Variants in RORB observed in about 807,000 individuals in gnomAD.
RORB encodes RAR related orphan receptor B.
Under a neutral mutation model 59.1 loss-of-function variants are expected in RORB, and 6 were observed. That is an observed-to-expected ratio of 0.10 (90% CI 0.06 to 0.20). The LOEUF is 0.20. Ranked by LOEUF, RORB falls within the 10% of genes least tolerant of loss-of-function variation. The pLI, the probability that RORB is intolerant of heterozygous loss-of-function variation, is 1.00. For missense variants in RORB, 320 were observed against 560.5 expected, an observed-to-expected ratio of 0.57 and a Z score of 4.33; for synonymous variants, 215 against 204.5, an observed-to-expected ratio of 1.05 and a Z score of -0.44.
At position 74,571,884 on chromosome 9, in the gene RORB, C is replaced by T. The variant is rs116930516; in HGVS notation, c.8-58398C>T. ...GAGCCATCTTCCTCACACAAAGAAGCGGTGATAATTCCTTCCGTGGACATT... is the reference window on the plus strand; with the variant it reads ...GAGCCATCTTCCTCACACAAAGAAGTGGTGATAATTCCTTCCGTGGACATT... On this transcript the variant is annotated intron_variant, in intron 1 of 9. Coordinates refer to ENST00000376896, the MANE Select transcript of RORB (RefSeq NM_006914.4). 7.7e-4 allele frequency among the ~76,000 whole-genome samples: 117 copies of T among 152,194 alleles called. 1 individual carries two copies. The highest frequency in any genetic ancestry group is 1.4e-3 in the Non-Finnish European group (97 of 68,014).
At chr9:74,647,269 ACATCTT>A (rs1823915746) in intron 4 of RORB, among the ~76,000 whole-genome samples, 1 of 152,174 alleles carries the variant, frequency 6.6e-6, no homozygotes, top group Non-Finnish European at 1.5e-5. Flanking sequence ...GGAAAGTAGA[ACATCTT>A]GTCTTTGCTC....
chr9:74,525,772 C>T (rs1227599983), intron 1 of RORB, among the ~76,000 whole-genome samples: 2 of 151,890 alleles, frequency 1.3e-5, no homozygotes, highest in East Asian at 1.9e-4. Flanking sequence ...AACAGAACCT[C>T]GATGAAATTC....
chr9:74,642,370 A>T, intron 3 of RORB, 44 bp from the exon 4 acceptor site: 4 of 1,554,640 alleles, frequency 2.6e-6, no homozygotes, highest in Non-Finnish European at 3.5e-6. Context: ...GTTAACGCGA[A>T]TGATAACCAC....
chr9:74,587,791 G>A (rs546549147), intron 1 of RORB, among the ~76,000 whole-genome samples: 1 of 152,284 alleles, frequency 6.6e-6, no homozygotes, highest in East Asian at 1.9e-4. Context: ...GTCAATCTCT[G>A]CTACTCTCAG....
At chr9:74,575,222 C>T (rs952750872) in intron 1 of RORB, among the ~76,000 whole-genome samples, 1 of 152,034 alleles carries the variant, frequency 6.6e-6, no homozygotes, top group Non-Finnish European at 1.5e-5. Context: ...TATTACTCTT[C>T]TCATTTTACA....
intron 1 of RORB, among the ~76,000 whole-genome samples, chr9:74,571,603 G>A (rs539321823): frequency 6.6e-6 from 1 of 151,942 alleles, no homozygotes; most frequent in Admixed American, 6.6e-5. Flanking sequence ...TATCACTGCT[G>A]GAGAGCACCT....
At chr9:74,584,081 C>T (rs1368678800) in intron 1 of RORB, among the ~76,000 whole-genome samples, 1 of 152,172 alleles carries the variant, frequency 6.6e-6, no homozygotes, top group African/African-American at 2.4e-5. Flanking sequence ...TTTCTCTAAC[C>T]TTGAGACTTT....
intron 3 of RORB, among the ~76,000 whole-genome samples, chr9:74,635,577 T>G (rs923925845): frequency 6.6e-6 from 1 of 152,208 alleles, no homozygotes; most frequent in Non-Finnish European, 1.5e-5. Flanking sequence ...TGAGTGGCCC[T>G]GAATCCTGGG....
chr9:74,541,260 A>G (rs1464300302), intron 1 of RORB, among the ~76,000 whole-genome samples: 3 of 140,248 alleles, frequency 2.1e-5, no homozygotes, highest in Non-Finnish European at 3.1e-5. Flanking sequence ...AGCCTGGGCA[A>G]CAGAAAGAGA....
chr9:74,636,167 G>T (rs1823699600), intron 3 of RORB, among the ~76,000 whole-genome samples: 1 of 152,090 alleles, frequency 6.6e-6, no homozygotes, highest in Non-Finnish European at 1.5e-5. Flanking sequence ...TAAATTAAGA[G>T]AGAGGATTAA....
chr9:74,511,615 G>GA lies in RORB; in HGVS notation c.7+13642dup, dbSNP rs143033795. ...CCCTCATCTATATAGCAAAAGAAAA[G>GA]AAAAAAAAAAGTGTCAAGGTGAATG... is the stretch of plus-strand genomic sequence containing the variant. On this transcript the variant is annotated intron_variant, in intron 1 of 9. Coordinates refer to ENST00000376896, the MANE Select transcript of RORB (RefSeq NM_006914.4). Among the ~76,000 whole-genome samples, 122 of 140,586 alleles carry GA rather than the reference G, an allele frequency of 8.7e-4. No homozygotes were observed. In the Middle Eastern group the frequency reaches 0.011, roughly 13 times the overall value. 92.2% of individuals were successfully genotyped at this position (140,586 alleles called of 152,430 possible).
intron 1 of RORB, among the ~76,000 whole-genome samples, chr9:74,520,444 G>A (rs986193587): frequency 1.3e-5 from 2 of 151,828 alleles, no homozygotes; most frequent in African/African-American, 2.4e-5. Flanking sequence ...GGCTAGGATC[G>A]TTTACCTACT....
chr9:74,671,585 A>G (rs536726946), intron 8 of RORB, among the ~76,000 whole-genome samples: 1 of 152,312 alleles, frequency 6.6e-6, no homozygotes, highest in South Asian at 2.1e-4. Context: ...CTCCAAAGTG[A>G]TTTCCTGCAT....
At chr9:74,592,212 A>G (rs948481701) in intron 1 of RORB, among the ~76,000 whole-genome samples, 1 of 152,188 alleles carries the variant, frequency 6.6e-6, no homozygotes, top group African/African-American at 2.4e-5. Context: ...TGATAAGACA[A>G]GAGTTTACTT....
At chr9:74,669,177 T>G (rs1008586563) in intron 8 of RORB, among the ~76,000 whole-genome samples, 2 of 152,188 alleles carry the variant, frequency 1.3e-5, no homozygotes, top group Admixed American at 1.3e-4. Flanking sequence ...GAGTAAAATA[T>G]TTTTTTAAAG....
intron 1 of RORB, among the ~76,000 whole-genome samples, chr9:74,516,452 TAGAAGAA>T (rs1826012085): frequency 6.6e-6 from 1 of 152,036 alleles, no homozygotes; most frequent in South Asian, 2.1e-4. Context: ...ATTTGGTTAT[TAGAAGAA>T]AGAATTGAGA....
chr9:74,636,497 C>A (rs1040006462), intron 3 of RORB, among the ~76,000 whole-genome samples: 1 of 151,942 alleles, frequency 6.6e-6, no homozygotes, highest in Non-Finnish European at 1.5e-5. Flanking sequence ...GTCTGAATCC[C>A]GTAACATAAA....
intron 8 of RORB, among the ~76,000 whole-genome samples, chr9:74,668,329 C>T (rs1005580836): frequency 6.6e-6 from 1 of 152,210 alleles, no homozygotes; most frequent in Non-Finnish European, 1.5e-5. Flanking sequence ...ACTTTCTACT[C>T]TTTAAACACC....
At chr9:74,647,434 A>G (rs1323612886) in intron 4 of RORB, among the ~76,000 whole-genome samples, 2 of 152,216 alleles carry the variant, frequency 1.3e-5, no homozygotes, top group African/African-American at 2.4e-5. Context: ...GCTTTTTTAT[A>G]TTTAAAAAAA....
Sources: gnomAD v4.1 joint callset for allele counts (sites outside exome capture counted in the v4.1 genomes callset) on GRCh38, gnomAD v4.1.1 for gene constraint, MANE v1.5 for transcripts, NCBI Gene and HGNC (gene_info 2026-07-23, HGNC 2026-07-21) for gene names.